IDH1: variants seen among roughly 807,000 people sequenced by gnomAD.
IDH1 encodes the protein isocitrate dehydrogenase (NADP(+)) 1.
IDH1 carries 33 observed loss-of-function variants against 46.1 expected under a neutral mutation model. The ratio of observed to expected loss-of-function variants is 0.72; its 90% CI spans 0.54 to 0.96. IDH1 has a LOEUF of 0.96. Ranked by LOEUF, IDH1 falls within the 40% of genes least tolerant of loss-of-function variation. The pLI, the probability that IDH1 is intolerant of heterozygous loss-of-function variation, is 0.00. For synonymous variants in IDH1, 144 were observed against 172.8 expected, an observed-to-expected ratio of 0.83 and a Z score of 1.31; for missense variants, 421 against 515.7, an observed-to-expected ratio of 0.82 and a Z score of 1.78.
chr2:208,245,626 C>T (rs2124858454), intron 4 of IDH1, among the ~76,000 whole-genome samples: 1 of 145,410 alleles, frequency 6.9e-6, no homozygotes, highest in Non-Finnish European at 1.5e-5. Context: ...TATTAGGTGC[C>T]TATACGAGGT....
intron 4 of IDH1, chr2:208,247,435 GT>G (rs951761131): frequency 5.3e-5 from 8 of 149,768 alleles, no homozygotes; most frequent in South Asian, 4.2e-4. Context: ...TACCGAGTCA[GT>G]TTTTTTTTTC....
chr2:208,249,321 C>G (rs1688081234), intron 3 of IDH1, among the ~76,000 whole-genome samples: 1 of 151,992 alleles, frequency 6.6e-6, no homozygotes, highest in African/African-American at 2.4e-5. Context: ...TCCCCAGTAG[C>G]GGGGACTACA....
chr2:208,247,663 T>C (rs376272918), intron 4 of IDH1: 1 of 152,276 alleles, frequency 6.6e-6, no homozygotes, highest in South Asian at 2.1e-4. Context: ...TTGACATAAT[T>C]ATTGAAATAC....
At chr2:208,246,564 G>T (rs1688025318) in intron 4 of IDH1, among the ~76,000 whole-genome samples, 1 of 150,630 alleles carries the variant, frequency 6.6e-6, no homozygotes, top group Non-Finnish European at 1.5e-5. Context: ...TCAACCTGAG[G>T]TTTGAAATTC....
At chr2:208,253,855 A>T (rs1238135413) in intron 2 of IDH1, 31 bp downstream of exon 2, 2 of 152,232 alleles carry the variant, frequency 1.3e-5, no homozygotes, top group East Asian at 3.8e-4. Flanking sequence ...AAGAAAGTAC[A>T]GAAGAAGGGG....
In IDH1 at chr2:208,243,610, G is replaced by A. The variant is rs1395632339; in HGVS notation, c.521-6C>T. 1 of 1,611,826 alleles carries A rather than the reference G, an allele frequency of 6.2e-7. No individual in the cohort carries two copies. On this transcript the variant is annotated splice_region_variant and splice_polypyrimidine_tract_variant and intron_variant, in intron 5 of 9. Coordinates refer to ENST00000345146, the MANE Select transcript of IDH1 (RefSeq NM_005896.4). ...CATGGCAACACCACCACCTTCTGTA[G>A]AGGAGAAGCCAGTGAGAGGAAAAAA...
intron 8 of IDH1, among the ~76,000 whole-genome samples, chr2:208,239,458 G>C (rs1055213655): frequency 1.3e-5 from 2 of 152,130 alleles, no homozygotes; most frequent in African/African-American, 4.8e-5. Flanking sequence ...TGAAACTTAA[G>C]GCATTTTCTA....
rs62193615 is a variant in IDH1 at position 208,243,560 on chromosome 2, T to C, written c.565A>G (p.Ile189Val). The C allele has an allele frequency of 3.9e-4, 632 of 1,613,938 alleles. 1 individual carries two copies. Among genetic ancestry groups the C allele is most frequent in the Non-Finnish European group, 4.3e-4 (510 of 1,179,930 alleles). ...AAGGAACTGTGTGCAAAATCTTCAA[T>C]TGACTTATCTTGATTATACATCCCC... ...AMGMYNQDKS[I>V]EDFAHSSFQM... Residue 189 changes from isoleucine to valine, a missense_variant, in exon 6 of 10, where the codon ATT (isoleucine) becomes GTT (valine). Transcript: ENST00000345146.
At position 208,251,524 on chromosome 2, in the gene IDH1, C is replaced by T. The variant is rs2124868360; in HGVS notation, c.28G>A (p.Val10Met). The change falls in exon 3 of 10, where the codon GTG (valine) becomes ATG (methionine). Residue 10 changes from valine (V) to methionine (M), a missense_variant. By Grantham distance (21) the Val-to-Met change is conservative. Transcript: ENST00000345146. ...ATTTCATCTCCTTGCATCTCTACCA[C>T]AGAACCGCCACTGATTTTTTTGGAC... Reference protein sequence around the residue: MSKKISGGSVVEMQGDEMTR... With the variant: MSKKISGGSMVEMQGDEMTR... 1 of 1,613,718 alleles carries T rather than the reference C, an allele frequency of 6.2e-7. No homozygotes were observed. The highest frequency in any genetic ancestry group is 8.5e-7 in the Non-Finnish European group (1 of 1,179,884).
At chr2:208,253,092 T>C (rs1235960158) in intron 2 of IDH1, among the ~76,000 whole-genome samples, 1 of 152,226 alleles carries the variant, frequency 6.6e-6, no homozygotes, top group African/African-American at 2.4e-5. Flanking sequence ...CATGTCCCTA[T>C]ATAGTATGAT....
rs762820641 is a variant in IDH1, at chr2:208,239,955, C to T, written c.899G>A (p.Gly300Asp). The T allele has an allele frequency of 6.8e-6, 11 of 1,614,170 alleles. No homozygotes were observed. The highest frequency in any genetic ancestry group is 2.2e-5 in the East Asian group (1 of 44,884). The change falls in exon 8 of 10, where the codon GGC becomes GAC. Residue 300 changes from glycine (G) to aspartate (D), a missense_variant. Coordinates refer to ENST00000345146, the MANE Select transcript of IDH1 (RefSeq NM_005896.4). The part of the protein sequence containing the change: ...MMTSVLVCPD[G>D]KTVEAEAAHG... ...GGCAGCCTCTGCTTCTACTGTCTTG[C>T]CATCTGGACAAACCAGCACGCTGGT...
chr2:208,245,087 T>A (rs967106778), intron 5 of IDH1, among the ~76,000 whole-genome samples: 1 of 152,262 alleles, frequency 6.6e-6, no homozygotes, highest in African/African-American at 2.4e-5. Context: ...TCTCCTTGTC[T>A]TTGCCTAAAG....
At chr2:208,240,554 G>A (rs1206639287) in intron 7 of IDH1, among the ~76,000 whole-genome samples, 1 of 152,066 alleles carries the variant, frequency 6.6e-6, no homozygotes, top group African/African-American at 2.4e-5. Flanking sequence ...TCATACACTT[G>A]CTGGGACTGG....
intron 2 of IDH1, 45 bp from the exon 3 acceptor site, chr2:208,251,612 T>C (rs1688125108): frequency 6.7e-7 from 1 of 1,496,350 alleles, no homozygotes; most frequent in East Asian, 2.3e-5. Flanking sequence ...TATTTCATTA[T>C]AAAGTGAAAT....
chr2:208,238,167 C>T (rs1250053346), intron 9 of IDH1, among the ~76,000 whole-genome samples: 1 of 151,586 alleles, frequency 6.6e-6, no homozygotes, highest in Non-Finnish European at 1.5e-5. Context: ...TCCCGAGTAG[C>T]TGGGACTACA....
rs1307910651 is a variant in IDH1 at position 208,243,561 on chromosome 2, T to C, written c.564A>G (p.Ser188=). 6.2e-7 allele frequency: 1 copy of C among 1,613,944 alleles called. No homozygotes were observed. Among genetic ancestry groups the C allele is most frequent in the African/African-American group, 1.3e-5 (1 of 74,930 alleles). ...VAMGMYNQDK[S]IEDFAHSSFQ... ...AGGAACTGTGTGCAAAATCTTCAAT[T>C]GACTTATCTTGATTATACATCCCCA... is the stretch of plus-strand genomic sequence containing the variant. The change falls in exon 6 of 10, where the codon TCA becomes TCG. Residue 188 remains serine (S), a synonymous_variant. Transcript: ENST00000345146.
chr2:208,237,708 C>A (rs1261894312), intron 9 of IDH1, among the ~76,000 whole-genome samples: 1 of 145,898 alleles, frequency 6.9e-6, no homozygotes, highest in Non-Finnish European at 1.5e-5. Context: ...ATCATGAGGT[C>A]AGGAGATGGA....
intron 3 of IDH1, among the ~76,000 whole-genome samples, chr2:208,250,781 A>G (rs1242862745): frequency 6.6e-6 from 1 of 152,218 alleles, no homozygotes; most frequent in Admixed American, 6.5e-5. Flanking sequence ...TCAACTAAGA[A>G]ACATCATGAA....
intron 6 of IDH1, 135 bp downstream of exon 6, chr2:208,243,292 G>T: frequency 3.3e-4 from 219 of 657,924 alleles, no homozygotes; most frequent in Middle Eastern, 4.4e-4. Flanking sequence ...CCTCAGTTTT[G>T]CCCTTATCTT....
Sources: allele counts gnomAD v4.1 joint callset (sites outside exome capture counted in the v4.1 genomes callset), GRCh38; gene constraint gnomAD v4.1.1; transcripts MANE v1.5; gene names NCBI Gene and HGNC (gene_info 2026-07-23, HGNC 2026-07-21).